CWC27: variants seen among roughly 807,000 people sequenced by gnomAD.
CWC27 encodes CWC27 spliceosome associated cyclophilin.
Under a neutral mutation model 63.6 loss-of-function variants are expected in CWC27, and 47 were observed. The ratio of observed to expected loss-of-function variants is 0.74; its 90% CI spans 0.58 to 0.94. The LOEUF is 0.94. CWC27 is among the 40% of genes least tolerant of loss of function. The pLI is 0.00. For synonymous variants in CWC27, 175 were observed against 179.8 expected (o/e 0.97, Z 0.22); for missense variants, 495 against 554.3 (o/e 0.89, Z 1.07).
chr5:64,903,346 TA>T (rs1359774640), intron 11 of CWC27, among the ~76,000 whole-genome samples: 28 of 151,908 alleles, frequency 1.8e-4, no homozygotes, highest in Admixed American at 3.9e-4. Context: ...TATGCAGCCA[TA>T]AAAAAATAAT....
intron 10 of CWC27, among the ~76,000 whole-genome samples, chr5:64,830,153 C>T (rs981502951): frequency 2.8e-4 from 42 of 151,468 alleles, no homozygotes; most frequent in African/African-American, 9.2e-4. Context: ...TTAGGTATAT[C>T]TCCTAATGCT....
Position 64,917,477 on chromosome 5 carries a change from G to A in CWC27, c.1042+31931G>A, listed in dbSNP as rs567501266. Among the ~76,000 whole-genome samples, 3 of 152,262 alleles carry A rather than the reference G, an allele frequency of 2.0e-5. No homozygotes were observed. In the South Asian group the frequency reaches 6.2e-4, roughly 32 times the overall value. On this transcript the variant is annotated intron_variant, in intron 11 of 13. Transcript: ENST00000381070. Reference sequence around the variant, plus strand: ...ATGTGTTGGTTAATTCTATATGTCAGCTTCACTGGGCGATGGGGTGCCCAG... The same window carrying A: ...ATGTGTTGGTTAATTCTATATGTCAACTTCACTGGGCGATGGGGTGCCCAG...
At chr5:64,816,784 A>G (rs578083736) in intron 10 of CWC27, among the ~76,000 whole-genome samples, 1 of 152,222 alleles carries the variant, frequency 6.6e-6, no homozygotes, top group Admixed American at 6.5e-5. Context: ...GTTCTCTAAG[A>G]TGGGAATACA....
intron 1 of CWC27, among the ~76,000 whole-genome samples, chr5:64,772,294 AT>A (rs1334107326): frequency 6.6e-6 from 1 of 152,112 alleles, no homozygotes; most frequent in Admixed American, 6.5e-5. Context: ...ATATATTTGT[AT>A]TTTTTTCCTT....
intron 10 of CWC27, among the ~76,000 whole-genome samples, chr5:64,877,524 G>A (rs191225597): frequency 3.3e-5 from 5 of 151,978 alleles, no homozygotes; most frequent in African/African-American, 1.2e-4. Context: ...AACAATAATG[G>A]ATTGTATACT....
intron 13 of CWC27, among the ~76,000 whole-genome samples, chr5:65,011,594 A>G (rs2112474532): frequency 6.6e-6 from 1 of 152,368 alleles, no homozygotes; most frequent in Admixed American, 6.5e-5. Flanking sequence ...AGCAAAAGCC[A>G]GATTATAGAA....
chr5:65,013,246 T>G (rs1486230811), intron 13 of CWC27, among the ~76,000 whole-genome samples: 1 of 152,212 alleles, frequency 6.6e-6, no homozygotes, highest in African/African-American at 2.4e-5. Context: ...AAGAGACTTA[T>G]GCTGAGCCTG....
chr5:64,837,795 T>C (rs1482544798), intron 10 of CWC27, among the ~76,000 whole-genome samples: 2 of 152,060 alleles, frequency 1.3e-5, no homozygotes, highest in African/African-American at 4.8e-5. Context: ...AAATATGAAA[T>C]AGTTGTCGCC....
intron 7 of CWC27, among the ~76,000 whole-genome samples, chr5:64,796,137 C>T (rs114308520): frequency 0.031 from 4,629 of 151,396 alleles, 107 homozygotes; most frequent in Non-Finnish European, 0.044. Context: ...TAGATTGTGG[C>T]CTCTAAAATA....
intron 11 of CWC27, among the ~76,000 whole-genome samples, chr5:64,943,885 G>A (rs1380754094): frequency 6.6e-6 from 1 of 151,926 alleles, no homozygotes; most frequent in Non-Finnish European, 1.5e-5. Flanking sequence ...AACACTGGCT[G>A]GCAAAGAGTG....
At chr5:64,955,020 G>C (rs1748779470) in intron 11 of CWC27, among the ~76,000 whole-genome samples, 1 of 151,738 alleles carries the variant, frequency 6.6e-6, no homozygotes, top group African/African-American at 2.4e-5. Flanking sequence ...TTGGTACTTT[G>C]GAAATAGGAT....
At chr5:64,888,457 T>G (rs1747131583) in intron 11 of CWC27, among the ~76,000 whole-genome samples, 2 of 147,360 alleles carry the variant, frequency 1.4e-5, no homozygotes, top group South Asian at 2.1e-4. Context: ...ATGTATATTT[T>G]GGGATTATAA....
intron 11 of CWC27, among the ~76,000 whole-genome samples, chr5:64,953,933 C>T (rs897945609): frequency 3.9e-5 from 6 of 152,186 alleles, no homozygotes; most frequent in Non-Finnish European, 7.3e-5. Context: ...TTGTCCTTGC[C>T]ATCTTCCCAC....
chr5:64,817,134 A>G (rs1745059983), intron 10 of CWC27, among the ~76,000 whole-genome samples: 1 of 152,066 alleles, frequency 6.6e-6, no homozygotes, highest in Admixed American at 6.6e-5. Flanking sequence ...ACTTTGCACC[A>G]AGCATATTCT....
Position 65,018,352 on chromosome 5 carries a change from G to C in CWC27, c.*31G>C, listed in dbSNP as rs771298331. 4 of 1,556,892 alleles carry C rather than the reference G, an allele frequency of 2.6e-6. No individual in the cohort carries two copies. The highest frequency in any genetic ancestry group is 3.5e-6 in the Non-Finnish European group (4 of 1,154,276). Reference sequence around the variant, plus strand: ...GAATAATGATAACCAGAACTTGCTGGAAATGTGCCTACAATGGCCTTGTAA... The same window carrying C: ...GAATAATGATAACCAGAACTTGCTGCAAATGTGCCTACAATGGCCTTGTAA... On this transcript the variant is annotated 3_prime_UTR_variant, in exon 14 of 14. Transcript: ENST00000381070.
At position 64,791,951 on chromosome 5, in the gene CWC27, C is replaced by T. The variant is rs546823677; in HGVS notation, c.669+2931C>T. The stretch of plus-strand genomic sequence containing the variant: ...CTTTTAATTTATTGTTGCTACTACC[C>T]TTGTTCAGCCTTCATTATCTCTAGA... On this transcript the variant is annotated intron_variant, in intron 7 of 13. Coordinates refer to ENST00000381070, the MANE Select transcript of CWC27 (RefSeq NM_005869.4). Among the ~76,000 whole-genome samples, 7 of 152,116 alleles carry T rather than the reference C, an allele frequency of 4.6e-5. No homozygotes were observed. In the East Asian group the frequency reaches 1.3e-3, roughly 29 times the overall value.
chr5:64,996,937 T>A (rs963505597), intron 13 of CWC27, among the ~76,000 whole-genome samples: 1 of 152,118 alleles, frequency 6.6e-6, no homozygotes, highest in Non-Finnish European at 1.5e-5. Context: ...AATGTGATTG[T>A]TGGTGTTGTT....
intron 13 of CWC27, among the ~76,000 whole-genome samples, chr5:65,017,145 C>T (rs551124424): frequency 6.6e-6 from 1 of 152,174 alleles, no homozygotes; most frequent in South Asian, 2.1e-4. Flanking sequence ...CATGGTGAAA[C>T]CCCGTCTCTG....
chr5:64,785,049 C>T (rs1032768613), intron 4 of CWC27, among the ~76,000 whole-genome samples: 5 of 152,152 alleles, frequency 3.3e-5, no homozygotes, highest in Admixed American at 2.0e-4. Flanking sequence ...TTTTTCTTAT[C>T]TGTAGAAGGA....
Sources: allele counts gnomAD v4.1 joint callset (sites outside exome capture counted in the v4.1 genomes callset), GRCh38; gene constraint gnomAD v4.1.1; transcripts MANE v1.5; gene names NCBI Gene and HGNC (gene_info 2026-07-23, HGNC 2026-07-21).